Variants in STRBP observed in about 807,000 individuals in gnomAD.
STRBP encodes spermatid perinuclear RNA-binding protein.
Under a neutral mutation model 80.1 loss-of-function variants are expected in STRBP, and 13 were observed. The ratio of observed to expected loss-of-function variants is 0.16; its 90% CI spans 0.11 to 0.26. The LOEUF (loss-of-function observed/expected upper bound fraction) is 0.26, where lower values mean the gene tolerates loss of function less well. STRBP is among the 10% of genes least tolerant of loss of function. STRBP has a pLI of 1.00. For missense variants in STRBP, 485 were observed against 815.2 expected, an observed-to-expected ratio of 0.59 and a Z score of 4.93; for synonymous variants, 284 against 291.2, an observed-to-expected ratio of 0.98 and a Z score of 0.25.
intron 14 of STRBP, among the ~76,000 whole-genome samples, chr9:123,137,922 T>C (rs573253939): frequency 5.9e-5 from 9 of 152,238 alleles, no homozygotes; most frequent in Non-Finnish European, 1.3e-4. Context: ...GGCAAATTTC[T>C]AGTCACTGTC....
At chr9:123,174,004 A>G (rs2038115289) in intron 4 of STRBP, among the ~76,000 whole-genome samples, 162 bp from the exon 5 acceptor site, 1 of 152,248 alleles carries the variant, frequency 6.6e-6, no homozygotes, top group Admixed American at 6.5e-5. Context: ...AGGCTTATAA[A>G]GTATCTATCT....
chr9:123,200,696 T>C (rs1368156747), intron 2 of STRBP, among the ~76,000 whole-genome samples: 1 of 143,436 alleles, frequency 7.0e-6, no homozygotes, highest in Non-Finnish European at 1.5e-5. Flanking sequence ...GCCTCCCGAG[T>C]AGCTGGGACT....
chr9:123,192,294 AG>A (rs2038951593), intron 2 of STRBP, among the ~76,000 whole-genome samples: 1 of 152,186 alleles, frequency 6.6e-6, no homozygotes, highest in Admixed American at 6.5e-5. Flanking sequence ...TGGCCAAGGG[AG>A]TGGGTGTACC....
chr9:123,177,420 T>C (rs575271414), intron 4 of STRBP, among the ~76,000 whole-genome samples: 1 of 152,064 alleles, frequency 6.6e-6, no homozygotes, highest in South Asian at 2.1e-4. Flanking sequence ...TCTTTTTTTT[T>C]AAATTAGCCA....
chr9:123,262,782 A>G (rs2041185675), intron 1 of STRBP, among the ~76,000 whole-genome samples: 1 of 152,216 alleles, frequency 6.6e-6, no homozygotes, highest in South Asian at 2.1e-4. Flanking sequence ...GATGCACTTA[A>G]TGGACCCTTA....
At chr9:123,248,269 T>TTTG (rs2040840405) in intron 1 of STRBP, among the ~76,000 whole-genome samples, 1 of 142,402 alleles carries the variant, frequency 7.0e-6, no homozygotes, top group African/African-American at 2.6e-5. Flanking sequence ...GTGTTTTTTT[T>TTTG]TTTTTTTTTT....
At chr9:123,152,421 A>C (rs187657733) in intron 11 of STRBP, among the ~76,000 whole-genome samples, 1 of 152,106 alleles carries the variant, frequency 6.6e-6, no homozygotes, top group Non-Finnish European at 1.5e-5. Context: ...ACGTGTATAT[A>C]TATATGATTG....
chr9:123,154,183 A>G (rs1166454483), intron 11 of STRBP, among the ~76,000 whole-genome samples: 1 of 152,220 alleles, frequency 6.6e-6, no homozygotes, highest in Non-Finnish European at 1.5e-5. Context: ...AGTGGTTGTC[A>G]AAACTAAAGA....
chr9:123,132,016 A>AT (rs1333694605), intron 17 of STRBP, among the ~76,000 whole-genome samples: 2 of 152,244 alleles, frequency 1.3e-5, no homozygotes, highest in African/African-American at 2.4e-5. Flanking sequence ...TACTTTCAAT[A>AT]TTGTGAAGAA....
chr9:123,233,248 T>A (rs1348333770), intron 2 of STRBP, among the ~76,000 whole-genome samples: 1 of 151,988 alleles, frequency 6.6e-6, no homozygotes, highest in African/African-American at 2.4e-5. Context: ...AATTTCTTTA[T>A]TTTTTTAGAG....
chr9:123,152,604 T>G (rs902880257), intron 11 of STRBP, among the ~76,000 whole-genome samples: 1 of 152,004 alleles, frequency 6.6e-6, no homozygotes, highest in Non-Finnish European at 1.5e-5. Context: ...GGCATTATGC[T>G]GAGTGTTAAA....
In STRBP at chr9:123,187,270, A is replaced by T. The variant is rs1003627333; in HGVS notation, c.-164-2972T>A. On this transcript the variant is annotated intron_variant, in intron 2 of 18. Transcript: ENST00000348403. ...ATAGAGGACAAACTTCAGCTATTTA[A>T]AAAAAAAAAAAAAAAGTCTATGTGA... 1.6e-4 allele frequency among the ~76,000 whole-genome samples: 4 copies of T among 25,788 alleles called. No homozygotes were observed. In the Non-Finnish European group the frequency reaches 4.7e-3, roughly 30 times the overall value. 16.9% of individuals were successfully genotyped at this position (25,788 alleles called of 152,430 possible).
intron 2 of STRBP, among the ~76,000 whole-genome samples, chr9:123,231,848 C>T (rs2040406561): frequency 6.6e-6 from 1 of 152,134 alleles, no homozygotes; most frequent in Admixed American, 6.6e-5. Flanking sequence ...CTGGATCTCC[C>T]TCTCTCTGGT....
chr9:123,204,723 C>T (rs1052352508), intron 2 of STRBP, among the ~76,000 whole-genome samples: 10 of 150,714 alleles, frequency 6.6e-5, no homozygotes, highest in African/African-American at 2.4e-4. Flanking sequence ...CGAGACCATC[C>T]TGGCTAACAC....
At chr9:123,258,227 T>C (rs1361908402) in intron 1 of STRBP, among the ~76,000 whole-genome samples, 2 of 152,166 alleles carry the variant, frequency 1.3e-5, no homozygotes, top group East Asian at 1.9e-4. Context: ...CTTGCTTTCA[T>C]GGAGCTTATA....
At chr9:123,157,106 G>A (rs1053425381) in intron 11 of STRBP, among the ~76,000 whole-genome samples, 9 of 152,108 alleles carry the variant, frequency 5.9e-5, no homozygotes, top group Admixed American at 3.3e-4. Flanking sequence ...AGGAAGTGGT[G>A]GAGCTATGAT....
At chr9:123,160,198 AAAG>A (rs1588017306) in intron 8 of STRBP, among the ~76,000 whole-genome samples, 166 bp downstream of exon 8, 1 of 152,240 alleles carries the variant, frequency 6.6e-6, no homozygotes. Flanking sequence ...TATATGCACA[AAAG>A]AAGAATTCGC....
intron 1 of STRBP, among the ~76,000 whole-genome samples, chr9:123,237,776 C>A (rs930621499): frequency 6.6e-6 from 1 of 152,122 alleles, no homozygotes; most frequent in Non-Finnish European, 1.5e-5. Context: ...CCCCTTACAG[C>A]GGGAGAAAGG....
intron 1 of STRBP, among the ~76,000 whole-genome samples, chr9:123,245,399 T>G (rs1408846492): frequency 6.6e-6 from 1 of 152,236 alleles, no homozygotes; most frequent in East Asian, 1.9e-4. Context: ...TTTGTTTGTT[T>G]GTTTGTTTGA....
Sources: allele counts gnomAD v4.1 joint callset (sites outside exome capture counted in the v4.1 genomes callset), GRCh38; gene constraint gnomAD v4.1.1; transcripts MANE v1.5; gene names NCBI Gene and HGNC (gene_info 2026-07-23, HGNC 2026-07-21).